ST6GALNAC5: variants seen among roughly 807,000 people sequenced by gnomAD.
ST6GALNAC5 encodes the protein ST6 N-acetylgalactosaminide alpha-2,6-sialyltransferase 5.
ST6GALNAC5 carries 27 observed loss-of-function variants against 33.6 expected under a neutral mutation model. That is an observed-to-expected ratio of 0.80 (90% CI 0.59 to 1.11). ST6GALNAC5 has a LOEUF of 1.11. Among genes scored for constraint, ST6GALNAC5 ranks in the 50% least tolerant of loss-of-function variants. The probability of loss-of-function intolerance (pLI) is 0.00; values close to 1 mark genes in which losing one functional copy is unlikely to be tolerated. For missense variants in ST6GALNAC5, 428 were observed against 454.0 expected, an observed-to-expected ratio of 0.94 and a Z score of 0.52; for synonymous variants, 194 against 171.2, an observed-to-expected ratio of 1.13 and a Z score of -1.04.
chr1:76,992,978 C>T (rs1394122857), intron 2 of ST6GALNAC5, among the ~76,000 whole-genome samples: 1 of 152,190 alleles, frequency 6.6e-6, no homozygotes, highest in African/African-American at 2.4e-5. Context: ...AGGACTAAGA[C>T]CCAAGTTCTT....
chr1:77,048,000 G>A (rs970639484), intron 3 of ST6GALNAC5, among the ~76,000 whole-genome samples: 4 of 152,218 alleles, frequency 2.6e-5, no homozygotes, highest in South Asian at 2.1e-4. Flanking sequence ...AGCACAAAGT[G>A]TTGCATTTCT....
intron 2 of ST6GALNAC5, among the ~76,000 whole-genome samples, chr1:76,916,268 GCTGCTTCGCCTTTGTCT>G (rs1422471162): frequency 6.6e-6 from 1 of 152,118 alleles, no homozygotes; most frequent in Non-Finnish European, 1.5e-5. Context: ...GCTACATGCA[GCTGCTTCGCCTTTGTCT>G]CCAAAGGACT....
At chr1:76,958,127 G>A (rs532590465) in intron 2 of ST6GALNAC5, among the ~76,000 whole-genome samples, 13 of 152,268 alleles carry the variant, frequency 8.5e-5, no homozygotes, top group Admixed American at 7.2e-4. Context: ...CATGATGCCC[G>A]TTTGCTCTGC....
intron 2 of ST6GALNAC5, among the ~76,000 whole-genome samples, chr1:76,916,912 A>G (rs1646981772): frequency 6.6e-6 from 1 of 152,326 alleles, no homozygotes. Flanking sequence ...TGTTAATGCC[A>G]CTAAAAATTG....
At chr1:76,967,786 T>C (rs1413098655) in intron 2 of ST6GALNAC5, among the ~76,000 whole-genome samples, 1 of 152,222 alleles carries the variant, frequency 6.6e-6, no homozygotes, top group Non-Finnish European at 1.5e-5. Flanking sequence ...ATTGTGTCTT[T>C]TTTCTCATTG....
chr1:77,013,939 C>G (rs933154230), intron 2 of ST6GALNAC5, among the ~76,000 whole-genome samples: 1 of 152,168 alleles, frequency 6.6e-6, no homozygotes, highest in African/African-American at 2.4e-5. Flanking sequence ...CATTTCCCAT[C>G]AATTGTAAAG....
intron 2 of ST6GALNAC5, among the ~76,000 whole-genome samples, chr1:77,001,762 C>A (rs906650546): frequency 6.7e-6 from 1 of 148,948 alleles, no homozygotes; most frequent in African/African-American, 2.5e-5. Flanking sequence ...TGGTTTTTGT[C>A]TTTGGCTCTG....
At chr1:77,020,103 A>C (rs1650995575) in intron 2 of ST6GALNAC5, among the ~76,000 whole-genome samples, 1 of 152,224 alleles carries the variant, frequency 6.6e-6, no homozygotes, top group Non-Finnish European at 1.5e-5. Context: ...TTGTGCTAAT[A>C]ACACTAAGCA....
intron 2 of ST6GALNAC5, among the ~76,000 whole-genome samples, chr1:76,987,175 G>A (rs937449670): frequency 5.3e-5 from 8 of 151,376 alleles, no homozygotes; most frequent in African/African-American, 1.5e-4. Context: ...AATAATAAAA[G>A]CAAATAAACA....
intron 2 of ST6GALNAC5, among the ~76,000 whole-genome samples, chr1:76,966,191 G>A (rs931593586): frequency 2.2e-4 from 33 of 152,022 alleles, no homozygotes; most frequent in African/African-American, 8.0e-4. Context: ...ATTACCTTGG[G>A]CAATATGGCC....
At chr1:76,989,012 T>C (rs962556474) in intron 2 of ST6GALNAC5, among the ~76,000 whole-genome samples, 3 of 152,164 alleles carry the variant, frequency 2.0e-5, no homozygotes, top group Non-Finnish European at 4.4e-5. Flanking sequence ...TATCTGGTAT[T>C]CAGAGTTGCT....
intron 2 of ST6GALNAC5, among the ~76,000 whole-genome samples, chr1:76,968,746 T>G (rs1648609830): frequency 1.3e-5 from 2 of 152,210 alleles, no homozygotes; most frequent in South Asian, 4.1e-4. Context: ...GTTTAGTGCT[T>G]CCTTCAGGAG....
chr1:76,976,148 C>A (rs901750352), intron 2 of ST6GALNAC5, among the ~76,000 whole-genome samples: 2 of 151,846 alleles, frequency 1.3e-5, no homozygotes, highest in South Asian at 4.2e-4. Flanking sequence ...GAGACAGAGA[C>A]AGAAAGTGAT....
chr1:76,990,273 A>T (rs1372388632), intron 2 of ST6GALNAC5, among the ~76,000 whole-genome samples: 1 of 152,158 alleles, frequency 6.6e-6, no homozygotes, highest in African/African-American at 2.4e-5. Flanking sequence ...TTCTTTATAC[A>T]GTGGCCAAAA....
At chr1:76,965,221 C>A (rs908603904) in intron 2 of ST6GALNAC5, among the ~76,000 whole-genome samples, 2 of 150,774 alleles carry the variant, frequency 1.3e-5, no homozygotes, top group South Asian at 2.1e-4. Context: ...TACCACCCCC[C>A]CCACCAACAG....
rs774287591 is a variant in ST6GALNAC5, at chr1:77,044,291, A to T, written c.349A>T (p.Thr117Ser). Residue 117 changes from threonine to serine, a missense_variant, in exon 3 of 5, where the codon ACA becomes TCA. By Grantham distance (58) the Thr-to-Ser change is moderately conservative (BLOSUM62 1). Coordinates refer to ENST00000477717, the MANE Select transcript of ST6GALNAC5 (RefSeq NM_030965.3). ...HSRQGSQIDQ[T>S]ECVIRMNDAP... ...TCGGCAAGGCTCCCAGATTGACCAG[A>T]CAGAGTGTGTCATCCGCATGAATGA... is the stretch of plus-strand genomic sequence containing the variant. 1 of 1,613,982 alleles carries T rather than the reference A, an allele frequency of 6.2e-7. No individual in the cohort carries two copies. Among genetic ancestry groups the T allele is most frequent in the Admixed American group, 1.7e-5 (1 of 60,022 alleles).
chr1:76,917,932 A>G (rs186542436), intron 2 of ST6GALNAC5, among the ~76,000 whole-genome samples: 1 of 152,146 alleles, frequency 6.6e-6, no homozygotes, highest in African/African-American at 2.4e-5. Context: ...CAGGTCTTCA[A>G]CTGATTGGAT....
intron 3 of ST6GALNAC5, among the ~76,000 whole-genome samples, chr1:77,045,453 G>C (rs1182721536): frequency 9.2e-5 from 14 of 152,202 alleles, no homozygotes; most frequent in African/African-American, 3.4e-4. Flanking sequence ...GCACAATCCT[G>C]TGAATGTAAA....
intron 2 of ST6GALNAC5, among the ~76,000 whole-genome samples, chr1:77,029,354 G>A (rs1345677232): frequency 1.3e-5 from 2 of 152,194 alleles, no homozygotes; most frequent in East Asian, 3.9e-4. Flanking sequence ...AAAAGTGGGA[G>A]GTTCTACTAT....
Sources: allele counts gnomAD v4.1 joint callset (sites outside exome capture counted in the v4.1 genomes callset), GRCh38; gene constraint gnomAD v4.1.1; transcripts MANE v1.5; gene names NCBI Gene and HGNC (gene_info 2026-07-23, HGNC 2026-07-21).